The following PRKG1 variants were observed in gnomAD, a reference collection of about 807,000 sequenced individuals.
PRKG1 encodes the protein protein kinase cGMP-dependent 1.
PRKG1 carries 35 observed loss-of-function variants against 88.1 expected under a neutral mutation model. That is an observed-to-expected ratio of 0.40 (90% CI 0.30 to 0.53). The LOEUF (loss-of-function observed/expected upper bound fraction) is 0.53, where lower values mean the gene tolerates loss of function less well. Ranked by LOEUF, PRKG1 falls within the 20% of genes least tolerant of loss-of-function variation. The pLI, the probability that PRKG1 is intolerant of heterozygous loss-of-function variation, is 0.59. For synonymous variants in PRKG1, 303 were observed against 292.5 expected (o/e 1.04, Z -0.37); for missense variants, 540 against 839.8 (o/e 0.64, Z 4.41).
At chr10:51,275,607 T>C (rs1840094928) in intron 2 of PRKG1, among the ~76,000 whole-genome samples, 1 of 152,198 alleles carries the variant, frequency 6.6e-6, no homozygotes, top group African/African-American at 2.4e-5. Context: ...TAATTTAATT[T>C]TATAGGTTCC....
intron 9 of PRKG1, among the ~76,000 whole-genome samples, chr10:52,218,210 CAAAA>C (rs35778588): frequency 1.0e-5 from 1 of 95,256 alleles, no homozygotes; most frequent in Admixed American, 1.2e-4. Context: ...GACTCCATCT[CAAAA>C]AAAAAAAAAA....
intron 2 of PRKG1, among the ~76,000 whole-genome samples, chr10:51,199,879 C>T (rs1837868262): frequency 6.6e-6 from 1 of 152,126 alleles, no homozygotes; most frequent in African/African-American, 2.4e-5. Context: ...TATATTCTAC[C>T]CCAAATTCTG....
At chr10:51,610,332 C>A in intron 3 of PRKG1, among the ~76,000 whole-genome samples, 1 of 152,174 alleles carries the variant, frequency 6.6e-6, no homozygotes, top group Non-Finnish European at 1.5e-5. Flanking sequence ...ATTCCACTCA[C>A]TACCTCCATG....
chr10:51,912,680 G>C (rs1842245029), intron 5 of PRKG1, among the ~76,000 whole-genome samples: 1 of 151,700 alleles, frequency 6.6e-6, no homozygotes, highest in African/African-American at 2.4e-5. Context: ...AGAAGGCAAG[G>C]GTACAACACC....
intron 1 of PRKG1, among the ~76,000 whole-genome samples, chr10:51,064,497 C>T (rs906985798): frequency 1.3e-5 from 2 of 151,928 alleles, no homozygotes; most frequent in Non-Finnish European, 2.9e-5. Flanking sequence ...ATATGCAAGG[C>T]TTTGACTTTT....
intron 1 of PRKG1, among the ~76,000 whole-genome samples, chr10:51,017,137 T>G (rs1843077847): frequency 6.6e-6 from 1 of 152,118 alleles, no homozygotes. Flanking sequence ...GGATACTGCT[T>G]AAGTACATCT....
At chr10:51,686,899 C>A (rs971969488) in intron 3 of PRKG1, among the ~76,000 whole-genome samples, 2 of 152,052 alleles carry the variant, frequency 1.3e-5, no homozygotes, top group Non-Finnish European at 2.9e-5. Context: ...TCAGGCCCGG[C>A]TAATTTTTTG....
chr10:52,054,810 T>C (rs192246300), intron 6 of PRKG1, among the ~76,000 whole-genome samples: 3 of 152,258 alleles, frequency 2.0e-5, no homozygotes, highest in East Asian at 3.9e-4. Context: ...TTTGTGTGAA[T>C]AGAAAGATCT....
intron 4 of PRKG1, among the ~76,000 whole-genome samples, chr10:51,862,648 G>A (rs186609723): frequency 2.0e-5 from 3 of 152,216 alleles, no homozygotes; most frequent in African/African-American, 7.2e-5. Flanking sequence ...AAAAGGCATC[G>A]AGAAAGGTCC....
rs764861976 is a variant in PRKG1, at chr10:51,074,916, C to T, written c.311+15C>T. 2.7e-5 allele frequency: 42 copies of T among 1,580,256 alleles called. No individual in the cohort carries two copies. Among genetic ancestry groups the T allele is most frequent in the Non-Finnish European group, 3.2e-5 (37 of 1,158,786 alleles). ...AAGAGCCCACAGTAAGCAGGGGTGA[C>T]GCGCCGGGTCCATGTGGCGCCCTGG... On this transcript the variant is annotated intron_variant, in intron 1 of 17. Transcript: ENST00000373980.
intron 3 of PRKG1, among the ~76,000 whole-genome samples, chr10:51,554,371 CATATATA>C (rs1242467794): frequency 7.0e-6 from 1 of 143,160 alleles, no homozygotes; most frequent in Non-Finnish European, 1.5e-5. Context: ...CGTATATACA[CATATATA>C]ATATATACAT....
At chr10:52,157,791 G>A (rs1838165639) in intron 8 of PRKG1, among the ~76,000 whole-genome samples, 1 of 150,662 alleles carries the variant, frequency 6.6e-6, no homozygotes, top group Admixed American at 6.6e-5. Context: ...TCCCTTCCTT[G>A]TTCTTCCTTC....
At chr10:51,030,973 C>T (rs1227045597) in intron 1 of PRKG1, among the ~76,000 whole-genome samples, 1 of 152,118 alleles carries the variant, frequency 6.6e-6, no homozygotes, top group African/African-American at 2.4e-5. Context: ...TTCAGAAGGT[C>T]CCATTTGATT....
intron 1 of PRKG1, among the ~76,000 whole-genome samples, chr10:51,090,343 C>T (rs187994747): frequency 6.6e-6 from 1 of 152,130 alleles, no homozygotes; most frequent in East Asian, 1.9e-4. Context: ...GGAGTAGAGC[C>T]CAACACAACC....
chr10:51,715,477 C>T (rs929385738), intron 3 of PRKG1, among the ~76,000 whole-genome samples: 13 of 152,090 alleles, frequency 8.5e-5, no homozygotes, highest in Non-Finnish European at 1.6e-4. Flanking sequence ...GCAGACTTCA[C>T]TTTGAGAAAC....
chr10:51,049,473 T>A (rs1843534606), intron 1 of PRKG1, among the ~76,000 whole-genome samples: 1 of 152,230 alleles, frequency 6.6e-6, no homozygotes, highest in South Asian at 2.1e-4. Context: ...TATGTCACTC[T>A]TTTTCATTCC....
chr10:52,229,583 A>C (rs1216197781), intron 9 of PRKG1, among the ~76,000 whole-genome samples: 2 of 152,198 alleles, frequency 1.3e-5, no homozygotes, highest in African/African-American at 4.8e-5. Context: ...AGGACATCTC[A>C]GACTTTGTGA....
chr10:51,105,653 C>A (rs1844814365), intron 1 of PRKG1, among the ~76,000 whole-genome samples: 2 of 152,066 alleles, frequency 1.3e-5, no homozygotes, highest in African/African-American at 2.4e-5. Context: ...AGCTGTTATC[C>A]TAAACCTGGA....
At chr10:52,150,382 T>C (rs1344716038) in intron 8 of PRKG1, among the ~76,000 whole-genome samples, 1 of 152,002 alleles carries the variant, frequency 6.6e-6, no homozygotes, top group African/African-American at 2.4e-5. Context: ...TTACTAGACA[T>C]GTGACCTCGA....
Sources: allele counts gnomAD v4.1 joint callset (sites outside exome capture counted in the v4.1 genomes callset), GRCh38; gene constraint gnomAD v4.1.1; transcripts MANE v1.5; gene names NCBI Gene and HGNC (gene_info 2026-07-23, HGNC 2026-07-21).